Variants in ATG5 observed in about 807,000 individuals in gnomAD.
ATG5 encodes autophagy related 5.
Under a neutral mutation model 36.5 loss-of-function variants are expected in ATG5, and 14 were observed. That is an observed-to-expected ratio of 0.38 (90% CI 0.25 to 0.60). The LOEUF (loss-of-function observed/expected upper bound fraction) is 0.60, where lower values mean the gene tolerates loss of function less well. Among genes scored for constraint, ATG5 ranks in the 20% least tolerant of loss-of-function variants. The probability of loss-of-function intolerance (pLI) is 0.60; values close to 1 mark genes in which losing one functional copy is unlikely to be tolerated. For synonymous variants in ATG5, 95 were observed against 101.5 expected, an observed-to-expected ratio of 0.94 and a Z score of 0.38; for missense variants, 195 against 326.7, an observed-to-expected ratio of 0.60 and a Z score of 3.11.
At chr6:106,260,521 G>A (rs1201805265) in intron 5 of ATG5, among the ~76,000 whole-genome samples, 1 of 152,148 alleles carries the variant, frequency 6.6e-6, no homozygotes, top group African/African-American at 2.4e-5. Context: ...CGATAATCAG[G>A]ACTAAACATG....
intron 5 of ATG5, among the ~76,000 whole-genome samples, chr6:106,264,774 T>C (rs1016043385): frequency 1.3e-5 from 2 of 152,096 alleles, no homozygotes; most frequent in South Asian, 4.1e-4. Context: ...AATAGAATCC[T>C]TTAGAGACAA....
intron 6 of ATG5, among the ~76,000 whole-genome samples, chr6:106,231,928 C>T (rs1313694260): frequency 6.6e-6 from 1 of 152,162 alleles, no homozygotes; most frequent in Non-Finnish European, 1.5e-5. Context: ...AATCAAATGC[C>T]TAATAGGGTT....
intron 7 of ATG5, among the ~76,000 whole-genome samples, chr6:106,192,797 C>T (rs180701830): frequency 2.0e-5 from 3 of 152,230 alleles, no homozygotes; most frequent in East Asian, 1.9e-4. Context: ...AATAGAGCGA[C>T]GAGCTTTCTG....
chr6:106,242,336 A>G (rs781766732), intron 6 of ATG5, among the ~76,000 whole-genome samples: 11 of 152,186 alleles, frequency 7.2e-5, no homozygotes, highest in Non-Finnish European at 1.5e-4. Context: ...GGACATCATG[A>G]TATGCGAAAT....
At chr6:106,309,750 C>A (rs1040276135) in intron 2 of ATG5, among the ~76,000 whole-genome samples, 1 of 152,088 alleles carries the variant, frequency 6.6e-6, no homozygotes, top group African/African-American at 2.4e-5. Flanking sequence ...ACATTAAAGT[C>A]TCTTTAAAAA....
chr6:106,253,981 G>C (rs1778700614), intron 5 of ATG5, among the ~76,000 whole-genome samples: 1 of 152,004 alleles, frequency 6.6e-6, no homozygotes, highest in African/African-American at 2.4e-5. Context: ...CACCCCCTTG[G>C]AAAGTTATTG....
chr6:106,294,728 A>T (rs1780464334), intron 3 of ATG5, among the ~76,000 whole-genome samples: 1 of 151,464 alleles, frequency 6.6e-6, no homozygotes, highest in Non-Finnish European at 1.5e-5. Flanking sequence ...CTGCAGCCCT[A>T]GCTACTCAGG....
At chr6:106,244,742 A>G (rs1166482305) in intron 6 of ATG5, among the ~76,000 whole-genome samples, 4 of 152,238 alleles carry the variant, frequency 2.6e-5, no homozygotes, top group Non-Finnish European at 5.9e-5. Flanking sequence ...CATCAGTTGT[A>G]TCCCTTGTGC....
intron 3 of ATG5, among the ~76,000 whole-genome samples, chr6:106,307,786 T>A (rs1770505252): frequency 6.6e-6 from 1 of 152,184 alleles, no homozygotes; most frequent in Non-Finnish European, 1.5e-5. Flanking sequence ...TCCGCCAGCC[T>A]CGGCCTCCCA....
chr6:106,214,166 A>C (rs977356034), intron 6 of ATG5, among the ~76,000 whole-genome samples: 10 of 152,182 alleles, frequency 6.6e-5, no homozygotes, highest in African/African-American at 1.9e-4. Flanking sequence ...TTTACATCAC[A>C]TGGTTTTCAA....
At chr6:106,269,771 C>G (rs1050743319) in intron 5 of ATG5, among the ~76,000 whole-genome samples, 1 of 152,204 alleles carries the variant, frequency 6.6e-6, no homozygotes, top group Non-Finnish European at 1.5e-5. Flanking sequence ...ATCCCCGGTT[C>G]CCGCTCGCGC....
At position 106,203,258 on chromosome 6, in the gene ATG5, T is replaced by A. The variant is rs181463451; in HGVS notation, c.574-1169A>T. Among the ~76,000 whole-genome samples, 420 of 152,328 alleles carry A rather than the reference T, an allele frequency of 2.8e-3. 1 individual carries two copies. Among genetic ancestry groups the A allele is most frequent in the Non-Finnish European group, 2.6e-3 (177 of 68,032 alleles). On this transcript the variant is annotated intron_variant, in intron 6 of 7. Coordinates refer to ENST00000369076, the MANE Select transcript of ATG5 (RefSeq NM_004849.4). ...TTACTCTTAAAATTGTTTCATTTAC[T>A]AAATTTCCTTAGTGATGATGGAGGC...
At chr6:106,229,866 G>A (rs763114659) in intron 6 of ATG5, among the ~76,000 whole-genome samples, 29 of 152,190 alleles carry the variant, frequency 1.9e-4, no homozygotes, top group Non-Finnish European at 3.8e-4. Context: ...ACACCTCACC[G>A]GTTCAGAATT....
At chr6:106,202,837 A>G (rs913977953) in intron 6 of ATG5, among the ~76,000 whole-genome samples, 2 of 151,922 alleles carry the variant, frequency 1.3e-5, no homozygotes, top group African/African-American at 4.8e-5. Flanking sequence ...AACTTTTTGT[A>G]TTTTTACTAG....
rs71006676 is a variant in ATG5 at position 106,314,724 on chromosome 6, G to GA, written c.108+1376dup. 7.0e-4 allele frequency among the ~76,000 whole-genome samples: 104 copies of GA among 147,666 alleles called. No individual in the cohort carries two copies. The East Asian group carries it at 8.0e-3, about 11-fold the overall frequency. ...AATTAAAACAGCAAAAACTTGTTTGGAAAAAAAAAATGGTATCCTAACCTA... is the reference window on the plus strand; with the variant it reads ...AATTAAAACAGCAAAAACTTGTTTGGAAAAAAAAAAATGGTATCCTAACCTA... On this transcript the variant is annotated intron_variant, in intron 2 of 7. Transcript: ENST00000369076.
chr6:106,317,976 A>T (rs952359729), intron 1 of ATG5, among the ~76,000 whole-genome samples: 2 of 152,220 alleles, frequency 1.3e-5, no homozygotes, highest in African/African-American at 4.8e-5. Context: ...AACAGCTGCA[A>T]CTGAGATTCA....
At chr6:106,259,591 A>G (rs1445920983) in intron 5 of ATG5, among the ~76,000 whole-genome samples, 2 of 151,598 alleles carry the variant, frequency 1.3e-5, no homozygotes, top group East Asian at 1.9e-4. Context: ...CTCACTTCCT[A>G]TATTTCCCTT....
At position 106,230,229 on chromosome 6, in the gene ATG5, G is replaced by A. The variant is rs147427490; in HGVS notation, c.573+17921C>T. On this transcript the variant is annotated intron_variant, in intron 6 of 7. Transcript: ENST00000369076. ...TGTTTGCACTCAGCCAAGCCTTAACGTACTTACCGAATCAAAAAGACTATC... is the reference window on the plus strand; with the variant it reads ...TGTTTGCACTCAGCCAAGCCTTAACATACTTACCGAATCAAAAAGACTATC... Among the ~76,000 whole-genome samples the A allele has an allele frequency of 1.5e-4, 23 of 152,288 alleles. 1 individual carries two copies. The East Asian group carries it at 3.9e-3, about 26-fold the overall frequency.
At chr6:106,237,476 A>G (rs528883734) in intron 6 of ATG5, among the ~76,000 whole-genome samples, 24 of 152,334 alleles carry the variant, frequency 1.6e-4, no homozygotes, top group Admixed American at 6.5e-4. Context: ...TCCATTGCTT[A>G]CCGGCTGGCT....
Sources: allele counts gnomAD v4.1 joint callset (sites outside exome capture counted in the v4.1 genomes callset), GRCh38; gene constraint gnomAD v4.1.1; transcripts MANE v1.5; gene names NCBI Gene and HGNC (gene_info 2026-07-23, HGNC 2026-07-21).